SLC1A1: variants seen among roughly 807,000 people sequenced by gnomAD.
The protein encoded by SLC1A1 is excitatory amino acid transporter 3.
Under a neutral mutation model 53.3 loss-of-function variants are expected in SLC1A1, and 43 were observed. That is an observed-to-expected ratio of 0.81 (90% CI 0.63 to 1.04). The LOEUF is 1.04. SLC1A1 is among the 50% of genes least tolerant of loss of function. The pLI is 0.00. For missense variants in SLC1A1, 748 were observed against 664.9 expected (o/e 1.12, Z -1.37); for synonymous variants, 307 against 243.2 (o/e 1.26, Z -2.44).
At chr9:4,548,282 A>C (rs1362402144) in intron 2 of SLC1A1, among the ~76,000 whole-genome samples, 1 of 152,154 alleles carries the variant, frequency 6.6e-6, no homozygotes, top group Non-Finnish European at 1.5e-5. Context: ...TGGAAAACAC[A>C]CAGGAAGGGC....
chr9:4,552,989 GT>G (rs1230057011), intron 2 of SLC1A1, among the ~76,000 whole-genome samples: 1 of 151,994 alleles, frequency 6.6e-6, no homozygotes, highest in East Asian at 1.9e-4. Flanking sequence ...TCTGCCATCA[GT>G]TTGTAAAGTT....
intron 3 of SLC1A1, among the ~76,000 whole-genome samples, chr9:4,562,537 A>C (rs1819054955): frequency 6.6e-6 from 1 of 152,218 alleles, no homozygotes; most frequent in South Asian, 2.1e-4. Flanking sequence ...AAGAGGGAGA[A>C]AATTCTAATA....
chr9:4,522,469 G>A (rs1006996462), intron 1 of SLC1A1, among the ~76,000 whole-genome samples: 1 of 152,150 alleles, frequency 6.6e-6, no homozygotes, highest in Non-Finnish European at 1.5e-5. Context: ...TCAGCCTAAT[G>A]TCCGTGTGAG....
At chr9:4,512,328 C>G (rs1240073275) in intron 1 of SLC1A1, among the ~76,000 whole-genome samples, 3 of 151,848 alleles carry the variant, frequency 2.0e-5, no homozygotes, top group Non-Finnish European at 4.4e-5. Context: ...TCTTGGGCAA[C>G]GTGGCAAAAC....
At chr9:4,491,565 G>A (rs889426616) in intron 1 of SLC1A1, among the ~76,000 whole-genome samples, 3 of 152,238 alleles carry the variant, frequency 2.0e-5, no homozygotes, top group African/African-American at 7.2e-5. Flanking sequence ...ACAGATCACT[G>A]GACCAGGTGG....
chr9:4,581,991 C>T (rs887061542), intron 10 of SLC1A1, among the ~76,000 whole-genome samples: 4 of 152,092 alleles, frequency 2.6e-5, no homozygotes, highest in South Asian at 2.1e-4. Flanking sequence ...GTTTAAATTG[C>T]CAATTTTTAC....
intron 1 of SLC1A1, among the ~76,000 whole-genome samples, chr9:4,534,237 C>A (rs1238971953): frequency 6.6e-6 from 1 of 151,740 alleles, no homozygotes; most frequent in Non-Finnish European, 1.5e-5. Flanking sequence ...AATAGAGACA[C>A]AAAAAAACCC....
intron 1 of SLC1A1, among the ~76,000 whole-genome samples, chr9:4,542,272 G>T (rs372590864): frequency 6.6e-6 from 1 of 152,152 alleles, no homozygotes; most frequent in East Asian, 1.9e-4. Context: ...ATAGAAAGTT[G>T]TAATTGCCAA....
chr9:4,501,631 G>GT (rs1820634965), intron 1 of SLC1A1, among the ~76,000 whole-genome samples: 1 of 151,634 alleles, frequency 6.6e-6, no homozygotes, highest in Admixed American at 6.6e-5. Flanking sequence ...AGGTATGGTG[G>GT]TGCATGCCTG....
rs774326354 is a variant in SLC1A1 at position 4,576,054 on chromosome 9, G to A, written c.929G>A (p.Arg310Gln). ...ILPLIYFIVV[R>Q]KNPFRFAMGM... The stretch of plus-strand genomic sequence containing the variant: ...CCGCTGATATATTTCATAGTCGTAC[G>A]AAAGAACCCTTTCCGATTTGCCATG... The change falls in exon 9 of 12, where the codon CGA becomes CAA. Residue 310 changes from arginine (R) to glutamine (Q), a missense_variant. Transcript: ENST00000262352. The A allele has an allele frequency of 5.6e-6, 9 of 1,613,464 alleles. No individual in the cohort carries two copies. Among genetic ancestry groups the A allele is most frequent in the Admixed American group, 1.7e-5 (1 of 60,006 alleles).
intron 1 of SLC1A1, among the ~76,000 whole-genome samples, chr9:4,521,284 G>A (rs866094267): frequency 1.3e-5 from 2 of 152,108 alleles, no homozygotes; most frequent in African/African-American, 4.8e-5. Flanking sequence ...GTCTCTACCA[G>A]GTACTACCTC....
intron 1 of SLC1A1, among the ~76,000 whole-genome samples, chr9:4,527,549 C>T (rs1268731905): frequency 6.6e-6 from 1 of 152,144 alleles, no homozygotes; most frequent in Non-Finnish European, 1.5e-5. Flanking sequence ...TGGTATACTA[C>T]ATTTGCCATT....
In SLC1A1 at chr9:4,576,307, G is replaced by T. The variant is rs974754544; in HGVS notation, c.998+184G>T. Reference sequence around the variant, plus strand: ...CTGTTGCATATTTCCTGCTCTCTTGGCATGACCTGCAGCTCAGGAAGGGGT... The same window carrying T: ...CTGTTGCATATTTCCTGCTCTCTTGTCATGACCTGCAGCTCAGGAAGGGGT... On this transcript the variant is annotated intron_variant, in intron 9 of 11. Coordinates refer to ENST00000262352, the MANE Select transcript of SLC1A1 (RefSeq NM_004170.6). 2.0e-5 allele frequency among the ~76,000 whole-genome samples: 3 copies of T among 152,244 alleles called. No individual in the cohort carries two copies. The South Asian group carries it at 6.2e-4, about 31-fold the overall frequency.
chr9:4,527,439 A>C (rs935291532), intron 1 of SLC1A1, among the ~76,000 whole-genome samples: 3 of 152,204 alleles, frequency 2.0e-5, no homozygotes, highest in Admixed American at 1.3e-4. Context: ...GTATGAAAGC[A>C]GTTTGTAAAT....
chr9:4,519,511 G>A (rs2130828239), intron 1 of SLC1A1, among the ~76,000 whole-genome samples: 1 of 152,208 alleles, frequency 6.6e-6, no homozygotes, highest in South Asian at 2.1e-4. Context: ...CTCACACCAG[G>A]CAATAATTTT....
intron 2 of SLC1A1, among the ~76,000 whole-genome samples, chr9:4,551,659 C>G (rs1183450518): frequency 6.6e-6 from 1 of 152,128 alleles, no homozygotes; most frequent in Non-Finnish European, 1.5e-5. Flanking sequence ...ATGAAAATTG[C>G]CATTCAAGGT....
At chr9:4,505,381 T>C (rs1029641344) in intron 1 of SLC1A1, among the ~76,000 whole-genome samples, 1 of 152,112 alleles carries the variant, frequency 6.6e-6, no homozygotes, top group African/African-American at 2.4e-5. Flanking sequence ...GATAGCAATA[T>C]AGGGTCTTGT....
chr9:4,499,527 A>C (rs1820564231), intron 1 of SLC1A1, among the ~76,000 whole-genome samples: 1 of 152,228 alleles, frequency 6.6e-6, no homozygotes, highest in African/African-American at 2.4e-5. Flanking sequence ...CATCACTGAA[A>C]TGATTCTGAT....
chr9:4,554,966 A>C (rs1818240256), intron 2 of SLC1A1, among the ~76,000 whole-genome samples: 1 of 152,244 alleles, frequency 6.6e-6, no homozygotes, highest in Admixed American at 6.5e-5. Flanking sequence ...GCACTGTACT[A>C]GGCCTGTTAT....
Sources: gnomAD v4.1 joint callset for allele counts (sites outside exome capture counted in the v4.1 genomes callset) on GRCh38, gnomAD v4.1.1 for gene constraint, MANE v1.5 for transcripts, NCBI Gene and HGNC (gene_info 2026-07-23, HGNC 2026-07-21) for gene names.